Variants in CEP192 observed in about 807,000 individuals in gnomAD.
CEP192 encodes centrosomal protein 192, also known as centrosomal protein of 192 kDa.
CEP192 carries 151 observed loss-of-function variants against 271.8 expected under a neutral mutation model. That is an observed-to-expected ratio of 0.56 (90% CI 0.49 to 0.64). CEP192 has a LOEUF of 0.64. Among genes scored for constraint, CEP192 ranks in the 30% least tolerant of loss-of-function variants. CEP192 has a pLI of 0.00. For missense variants in CEP192, 2,910 were observed against 3,020.5 expected (o/e 0.96, Z 0.86); for synonymous variants, 995 against 1,076.5 (o/e 0.92, Z 1.48).
At chr18:13,088,440 T>A in intron 32 of CEP192, among the ~76,000 whole-genome samples, 1 of 152,172 alleles carries the variant, frequency 6.6e-6, no homozygotes, top group Non-Finnish European at 1.5e-5. Context: ...ACCTCTCTCA[T>A]AAATAAATAA....
intron 1 of CEP192, among the ~76,000 whole-genome samples, chr18:12,998,203 A>G (rs778322097): frequency 6.6e-5 from 10 of 152,096 alleles, no homozygotes; most frequent in Non-Finnish European, 1.0e-4. Context: ...CCCTTCCTGT[A>G]TAATAGGTTG....
intron 15 of CEP192, among the ~76,000 whole-genome samples, chr18:13,048,606 C>T (rs1200581081): frequency 6.6e-6 from 1 of 152,194 alleles, no homozygotes; most frequent in South Asian, 2.1e-4. Flanking sequence ...ATGCTTTGCA[C>T]TCCAAACTTC....
At position 13,056,518 on chromosome 18, in the gene CEP192, G is replaced by A. The variant is rs1331765321; in HGVS notation, c.3928G>A (p.Val1310Met). The change falls in exon 19 of 45, where the codon GTG becomes ATG. Residue 1310 changes from valine (V) to methionine (M), a missense_variant. Val to Met is a conservative substitution (Grantham distance 21, BLOSUM62 1). Coordinates refer to ENST00000506447, the MANE Select transcript of CEP192 (RefSeq NM_032142.4). ...AGAGCCTGTGCAGAACTCTGTGGCTGTGGGAATTTGTCTAGGATCAAATAT... is the reference window on the plus strand; with the variant it reads ...AGAGCCTGTGCAGAACTCTGTGGCTATGGGAATTTGTCTAGGATCAAATAT... The part of the protein sequence containing the change: ...AGEPVQNSVA[V>M]GICLGSNIGS... 8 of 1,614,098 alleles carry A rather than the reference G, an allele frequency of 5.0e-6. No individual in the cohort carries two copies. Among genetic ancestry groups the A allele is most frequent in the Non-Finnish European group, 5.9e-6 (7 of 1,180,044 alleles).
chr18:13,002,539 A>C (rs1230211409), intron 3 of CEP192, among the ~76,000 whole-genome samples: 1 of 152,196 alleles, frequency 6.6e-6, no homozygotes, highest in Non-Finnish European at 1.5e-5. Flanking sequence ...TAAATTGCTG[A>C]GGTAAAAATA....
chr18:12,997,756 G>A (rs1298069270), intron 1 of CEP192, among the ~76,000 whole-genome samples: 1 of 152,026 alleles, frequency 6.6e-6, no homozygotes, highest in Non-Finnish European at 1.5e-5. Flanking sequence ...ATAGAGTCTC[G>A]CTCCATCACC....
intron 9 of CEP192, among the ~76,000 whole-genome samples, chr18:13,023,762 C>T (rs2035127509): frequency 6.6e-6 from 1 of 151,830 alleles, no homozygotes; most frequent in Non-Finnish European, 1.5e-5. Context: ...GTAAGTATTC[C>T]CTCTGCTATT....
At chr18:12,995,532 C>G (rs2033173134) in intron 1 of CEP192, among the ~76,000 whole-genome samples, 2 of 152,174 alleles carry the variant, frequency 1.3e-5, no homozygotes, top group Admixed American at 6.5e-5. Flanking sequence ...TTCATTCACT[C>G]AAGTTTATTG....
At chr18:13,113,111 G>T (rs190879899) in intron 40 of CEP192, among the ~76,000 whole-genome samples, 21 of 152,208 alleles carry the variant, frequency 1.4e-4, no homozygotes, top group Non-Finnish European at 2.2e-4. Context: ...ACTGTGGAGC[G>T]TCTGGCGCTT....
chr18:13,015,645 A>T (rs2143038221), intron 6 of CEP192, among the ~76,000 whole-genome samples, 197 bp downstream of exon 6: 1 of 152,300 alleles, frequency 6.6e-6, no homozygotes, highest in African/African-American at 2.4e-5. Flanking sequence ...TCCTGATATG[A>T]TTATACTCAT....
intron 38 of CEP192, 47 bp downstream of exon 38, chr18:13,100,559 GAGTCTAAT>G: frequency 1.4e-6 from 2 of 1,392,654 alleles, no homozygotes; most frequent in Non-Finnish European, 2.0e-6. Context: ...CTGATATATT[GAGTCTAAT>G]GCTTTATTCT....
chr18:13,053,670 C>T (rs1399805117), intron 18 of CEP192, among the ~76,000 whole-genome samples: 3 of 152,064 alleles, frequency 2.0e-5, no homozygotes, highest in African/African-American at 7.2e-5. Flanking sequence ...AGGTCACTGT[C>T]ATGATCTGTT....
In CEP192 at chr18:13,087,194, G is replaced by T. The variant is rs765979611; in HGVS notation, c.5794G>T (p.Asp1932Tyr). ...AAFVKAVGFK[D>Y]SQKKVLLDPK... Reference sequence around the variant, plus strand: ...TTTTGTTAAAGCAGTAGGTTTTAAGGATTCTCAGAAAAAAGTTTTGCTGGA... The same window carrying T: ...TTTTGTTAAAGCAGTAGGTTTTAAGTATTCTCAGAAAAAAGTTTTGCTGGA... Residue 1932 changes from aspartate (D) to tyrosine (Y), a missense_variant, in exon 31 of 45, where the codon GAT (aspartate) becomes TAT (tyrosine). Asp to Tyr is a radical substitution (Grantham distance 160). Transcript: ENST00000506447. 2 of 1,613,862 alleles carry T rather than the reference G, an allele frequency of 1.2e-6. No individual in the cohort carries two copies. Among genetic ancestry groups the T allele is most frequent in the Non-Finnish European group, 1.7e-6 (2 of 1,179,818 alleles).
intron 30 of CEP192, among the ~76,000 whole-genome samples, chr18:13,080,668 C>T (rs1212451085): frequency 6.6e-6 from 1 of 152,126 alleles, no homozygotes; most frequent in Non-Finnish European, 1.5e-5. Context: ...GAACTTCCAC[C>T]ACTATGTTGA....
chr18:13,092,896 T>G (rs1377059634), intron 34 of CEP192, among the ~76,000 whole-genome samples: 1 of 152,148 alleles, frequency 6.6e-6, no homozygotes, highest in African/African-American at 2.4e-5. Context: ...GGCTCTTGCA[T>G]GTAATCCCAG....
At chr18:13,089,980 T>A (rs1187867045) in intron 33 of CEP192, among the ~76,000 whole-genome samples, 1 of 152,238 alleles carries the variant, frequency 6.6e-6, no homozygotes, top group Non-Finnish European at 1.5e-5. Context: ...GTTACTGTGC[T>A]ATCGTGCCTA....
At chr18:13,083,847 T>C (rs2038754393) in intron 30 of CEP192, among the ~76,000 whole-genome samples, 1 of 152,204 alleles carries the variant, frequency 6.6e-6, no homozygotes, top group African/African-American at 2.4e-5. Context: ...CCTTTCTGTT[T>C]GTTAGTTTTC....
At chr18:12,996,371 G>A (rs1400561239) in intron 1 of CEP192, among the ~76,000 whole-genome samples, 7 of 152,038 alleles carry the variant, frequency 4.6e-5, no homozygotes, top group African/African-American at 9.7e-5. Flanking sequence ...TGTCATTTTC[G>A]CTGGTGGGGA....
At chr18:13,115,204 G>A (rs905716632) in intron 42 of CEP192, among the ~76,000 whole-genome samples, 1 of 152,138 alleles carries the variant, frequency 6.6e-6, no homozygotes, top group Non-Finnish European at 1.5e-5. Flanking sequence ...TCTGAGCCCC[G>A]CGCCTCCACA....
intron 3 of CEP192, among the ~76,000 whole-genome samples, chr18:13,003,617 G>A (rs1289948076): frequency 6.6e-6 from 1 of 152,126 alleles, no homozygotes; most frequent in Non-Finnish European, 1.5e-5. Flanking sequence ...GGGAGGCTGG[G>A]GAGGTGGTGA....
Sources: allele counts gnomAD v4.1 joint callset (sites outside exome capture counted in the v4.1 genomes callset), GRCh38; gene constraint gnomAD v4.1.1; transcripts MANE v1.5; gene names NCBI Gene and HGNC (gene_info 2026-07-23, HGNC 2026-07-21).